WWOX: variants seen among roughly 807,000 people sequenced by gnomAD.
The protein encoded by WWOX is WW domain-containing oxidoreductase.
In WWOX, 69 loss-of-function variants were observed where a neutral mutation model predicts 46.2. That is an observed-to-expected ratio of 1.49 (90% CI 1.23 to 1.82). The LOEUF (loss-of-function observed/expected upper bound fraction) is 1.82. Ranked by LOEUF, WWOX falls within the 40% of genes most tolerant of loss-of-function variation. WWOX has a pLI of 0.00. For missense variants in WWOX, 919 were observed against 542.6 expected (o/e 1.69, Z -6.89); for synonymous variants, 359 against 202.6 (o/e 1.77, Z -6.56).
chr16:78,189,950 C>T (rs561566258), intron 5 of WWOX, among the ~76,000 whole-genome samples: 15 of 152,278 alleles, frequency 9.9e-5, no homozygotes, highest in Admixed American at 3.3e-4. Flanking sequence ...CCACCACGCC[C>T]GGCTCAAATC....
Position 78,984,684 on chromosome 16 carries a change from A to G in WWOX, c.1057-226924A>G, listed in dbSNP as rs139909088. Among the ~76,000 whole-genome samples the G allele has an allele frequency of 3.0e-3, 451 of 152,330 alleles. 3 individuals are homozygous for G. The highest frequency in any genetic ancestry group is 0.01 in the African/African-American group (422 of 41,578). ...ACAAACTGACCCTTAGGAACCTTCT[A>G]CCAAAAATATCCTGTGAATCTTCAT... On this transcript the variant is annotated intron_variant, in intron 8 of 8. Transcript: ENST00000566780.
intron 8 of WWOX, among the ~76,000 whole-genome samples, chr16:78,725,594 G>T (rs778187797): frequency 1.5e-4 from 23 of 151,758 alleles, no homozygotes; most frequent in Non-Finnish European, 3.1e-4. Flanking sequence ...CGATCTACCC[G>T]CCTCAGCCTC....
intron 8 of WWOX, among the ~76,000 whole-genome samples, chr16:78,504,980 A>G (rs1021691181): frequency 1.8e-4 from 27 of 152,260 alleles, no homozygotes; most frequent in African/African-American, 5.1e-4. Context: ...GTTTTTGTAT[A>G]TGCTTATGTA....
Position 78,725,812 on chromosome 16 carries a change from C to T in WWOX, c.1056+293060C>T, listed in dbSNP as rs75937690. ...GCCTTTGTCTTAGCTTTTGGCATTG[C>T]GGGCGGTGCTTGGTGTTCCTTGGCT... is the stretch of plus-strand genomic sequence containing the variant. On this transcript the variant is annotated intron_variant, in intron 8 of 8. Coordinates refer to ENST00000566780, the MANE Select transcript of WWOX (RefSeq NM_016373.4). Among the ~76,000 whole-genome samples, 1,048 of 152,082 alleles carry T rather than the reference C, an allele frequency of 6.9e-3. 13 individuals carry two copies. Among genetic ancestry groups the T allele is most frequent in the African/African-American group, 0.024 (1,008 of 41,480 alleles).
intron 8 of WWOX, among the ~76,000 whole-genome samples, chr16:78,516,883 G>T (rs910677114): frequency 4.6e-5 from 7 of 152,184 alleles, no homozygotes; most frequent in African/African-American, 1.4e-4. Context: ...GTTGAGAACT[G>T]TAAGAAAAAG....
chr16:78,411,941 G>A (rs1419224836), intron 6 of WWOX, among the ~76,000 whole-genome samples: 1 of 152,186 alleles, frequency 6.6e-6, no homozygotes, highest in Admixed American at 6.5e-5. Flanking sequence ...GTTTCCGCCC[G>A]ATTCCATGGG....
intron 6 of WWOX, among the ~76,000 whole-genome samples, chr16:78,403,140 C>T (rs2082451555): frequency 6.6e-6 from 1 of 152,344 alleles, no homozygotes; most frequent in East Asian, 1.9e-4. Flanking sequence ...GTACAAAATG[C>T]ATGAGATGTT....
chr16:78,731,674 A>G (rs547342661), intron 8 of WWOX, among the ~76,000 whole-genome samples: 1 of 152,116 alleles, frequency 6.6e-6, no homozygotes. Flanking sequence ...TGTATGATCA[A>G]GCATCGTCAT....
chr16:78,548,643 C>A (rs1026152654), intron 8 of WWOX, among the ~76,000 whole-genome samples: 29 of 152,144 alleles, frequency 1.9e-4, no homozygotes, highest in African/African-American at 7.0e-4. Context: ...GCCTTTCATG[C>A]AGTATTGTTC....
intron 8 of WWOX, among the ~76,000 whole-genome samples, chr16:78,536,304 C>G (rs541651141): frequency 6.6e-6 from 1 of 152,062 alleles, no homozygotes; most frequent in South Asian, 2.1e-4. Flanking sequence ...AGTTTCTCAG[C>G]TAAATGAAGG....
In WWOX at chr16:78,923,555, A is replaced by G. The variant is rs146809221; in HGVS notation, c.1057-288053A>G. Among the ~76,000 whole-genome samples, 1,289 of 152,222 alleles carry G rather than the reference A, an allele frequency of 8.5e-3. 17 individuals carry two copies. Among genetic ancestry groups the G allele is most frequent in the African/African-American group, 0.029 (1,198 of 41,548 alleles). On this transcript the variant is annotated intron_variant, in intron 8 of 8. Transcript: ENST00000566780. ...TGGAAATTCTACATACATAATATAT[A>G]TAAATTTTCCATTCATAGTGTGTTA...
At chr16:78,692,551 C>T (rs1000746843) in intron 8 of WWOX, among the ~76,000 whole-genome samples, 3 of 152,178 alleles carry the variant, frequency 2.0e-5, no homozygotes, top group Non-Finnish European at 4.4e-5. Context: ...TTATGGGTAA[C>T]ACCTGTAGAT....
At chr16:79,125,171 C>T (rs1180954208) in intron 8 of WWOX, among the ~76,000 whole-genome samples, 1 of 151,854 alleles carries the variant, frequency 6.6e-6, no homozygotes, top group Non-Finnish European at 1.5e-5. Flanking sequence ...GATGAATATT[C>T]ATTTTAACAT....
chr16:79,079,722 A>G (rs12102852), intron 8 of WWOX, among the ~76,000 whole-genome samples: 64,471 of 152,080 alleles, frequency 0.42, 14,501 homozygotes, highest in South Asian at 0.52. Flanking sequence ...ATAATTGTTT[A>G]TGTCTACCCC....
intron 8 of WWOX, among the ~76,000 whole-genome samples, chr16:78,993,755 C>T (rs2046934562): frequency 6.6e-6 from 1 of 152,210 alleles, no homozygotes; most frequent in African/African-American, 2.4e-5. Context: ...AACACACTCG[C>T]CAGACTCCAT....
intron 5 of WWOX, among the ~76,000 whole-genome samples, chr16:78,311,477 C>A (rs980466846): frequency 6.6e-6 from 1 of 152,066 alleles, no homozygotes; most frequent in African/African-American, 2.4e-5. Flanking sequence ...GACACTGATT[C>A]CTCTGCAGTT....
At chr16:78,632,836 C>T (rs1423204946) in intron 8 of WWOX, among the ~76,000 whole-genome samples, 1 of 151,974 alleles carries the variant, frequency 6.6e-6, no homozygotes, top group African/African-American at 2.4e-5. Flanking sequence ...GGGGTTGCAG[C>T]TGTGAGCCAC....
chr16:79,178,856 C>G (rs1017606645), intron 8 of WWOX, among the ~76,000 whole-genome samples: 4 of 152,242 alleles, frequency 2.6e-5, no homozygotes, highest in South Asian at 2.1e-4. Flanking sequence ...TTTAATATAT[C>G]TTGAAGTACT....
chr16:78,591,879 C>G (rs1000245349), intron 8 of WWOX, among the ~76,000 whole-genome samples: 3 of 152,194 alleles, frequency 2.0e-5, no homozygotes, highest in African/African-American at 7.2e-5. Flanking sequence ...GCTACCACCA[C>G]TGCCTCTAGT....
Sources: gnomAD v4.1 joint callset for allele counts (sites outside exome capture counted in the v4.1 genomes callset) on GRCh38, gnomAD v4.1.1 for gene constraint, MANE v1.5 for transcripts, NCBI Gene and HGNC (gene_info 2026-07-23, HGNC 2026-07-21) for gene names.